The following CDON variants were observed in gnomAD, a reference collection of about 807,000 sequenced individuals.
CDON encodes the protein cell adhesion associated, oncogene regulated, also known as cell adhesion molecule-related/down-regulated by oncogenes.
CDON carries 73 observed loss-of-function variants against 120.9 expected under a neutral mutation model. The observed-to-expected ratio is 0.60, with a 90% CI of 0.50 to 0.73. CDON has a LOEUF of 0.73. Ranked by LOEUF, CDON falls within the 30% of genes least tolerant of loss-of-function variation. The probability of loss-of-function intolerance (pLI) is 0.00; values close to 1 mark genes in which losing one functional copy is unlikely to be tolerated. For missense variants in CDON, 1,470 were observed against 1,587.3 expected (o/e 0.93, Z 1.26); for synonymous variants, 566 against 573.5 (o/e 0.99, Z 0.19).
chr11:125,960,975 C>T lies in CDON; in HGVS notation c.3762G>A (p.Pro1254=), dbSNP rs868433925. 42 of 1,614,082 alleles carry T rather than the reference C, an allele frequency of 2.6e-5. No homozygotes were observed. The highest frequency in any genetic ancestry group is 3.3e-4 in the Middle Eastern group (2 of 6,082). The part of the protein sequence containing the change: ...WSPPGIPLDS[P]TEVLQQPRET Reference sequence around the variant, plus strand: ...CCCGGGGCTGCTGAAGGACCTCTGTCGGGCTGTCTAAAGGAATGCCAGGTG... The same window carrying T: ...CCCGGGGCTGCTGAAGGACCTCTGTTGGGCTGTCTAAAGGAATGCCAGGTG... The change falls in exon 20 of 20, where the codon CCG becomes CCA. Residue 1254 remains proline, a synonymous_variant. Coordinates refer to ENST00000531738, the MANE Select transcript of CDON (RefSeq NM_001378964.1).
chr11:125,969,240 C>T (rs112364366), intron 18 of CDON, among the ~76,000 whole-genome samples: 3,402 of 152,248 alleles, frequency 0.022, 116 homozygotes, highest in African/African-American at 0.075. Flanking sequence ...TCAGGTGATC[C>T]GCCTGCCTTA....
chr11:126,053,447 C>A (rs1948615479), intron 1 of CDON, among the ~76,000 whole-genome samples: 1 of 152,152 alleles, frequency 6.6e-6, no homozygotes, highest in African/African-American at 2.4e-5. Context: ...AATCTAATTG[C>A]ACAGTGAGAG....
At position 126,015,427 on chromosome 11, in the gene CDON, T is replaced by G; in HGVS notation, c.1012A>C (p.Asn338His). The change falls in exon 7 of 20, where the codon AAC becomes CAC. Residue 338 changes from asparagine to histidine, a missense_variant. Physicochemically the swap from Asn to His is moderately conservative, Grantham distance 68. Coordinates refer to ENST00000531738, the MANE Select transcript of CDON (RefSeq NM_001378964.1). Reference protein sequence around the residue: ...TVHFTCDVHGNPAPNCTWFHN... With the variant: ...TVHFTCDVHGHPAPNCTWFHN... ...AACCAGGTACAGTTGGGGGCTGGGT[T>G]CCCATGAACGTCGCAGGTAAAGTGT... 2.5e-6 allele frequency: 4 copies of G among 1,614,062 alleles called. No individual in the cohort carries two copies. Among genetic ancestry groups the G allele is most frequent in the Non-Finnish European group, 3.4e-6 (4 of 1,179,974 alleles).
In CDON at chr11:126,035,627, T is replaced by C. The variant is rs145162579; in HGVS notation, c.-61-12090A>G. Among the ~76,000 whole-genome samples, 168 of 152,264 alleles carry C rather than the reference T, an allele frequency of 1.1e-3. 2 individuals are homozygous for C. In the East Asian group the frequency reaches 0.027, roughly 25 times the overall value. Reference sequence around the variant, plus strand: ...AGTCAATCACAGATTACTATGCAGTTAGTACATAATTGGCACCAATTGACT... The same window carrying C: ...AGTCAATCACAGATTACTATGCAGTCAGTACATAATTGGCACCAATTGACT... On this transcript the variant is annotated intron_variant, in intron 1 of 19. Coordinates refer to ENST00000531738, the MANE Select transcript of CDON (RefSeq NM_001378964.1).
In CDON at chr11:126,034,230, C is replaced by T. The variant is rs989786632; in HGVS notation, c.-61-10693G>A. On this transcript the variant is annotated intron_variant, in intron 1 of 19. Transcript: ENST00000531738. This position sits in a 1 kb window ranked among gnomAD's most constrained non-coding sequence, Gnocchi z 4.5. Reference sequence around the variant, plus strand: ...AGCATACAAACGATCCTGCTGCCTGCGAAAGCATTTCCTTTCACCGTGGAC... The same window carrying T: ...AGCATACAAACGATCCTGCTGCCTGTGAAAGCATTTCCTTTCACCGTGGAC... Among the ~76,000 whole-genome samples, 5 of 152,076 alleles carry T rather than the reference C, an allele frequency of 3.3e-5. No homozygotes were observed. Among genetic ancestry groups the T allele is most frequent in the South Asian group, 2.1e-4 (1 of 4,816 alleles).
chr11:126,031,495 T>A (rs1375803149), intron 1 of CDON, among the ~76,000 whole-genome samples: 1 of 152,230 alleles, frequency 6.6e-6, no homozygotes, highest in Non-Finnish European at 1.5e-5. Flanking sequence ...TTTTAGACTT[T>A]ACACCACGTC....
At chr11:125,991,197 T>C (rs1946624176) in intron 14 of CDON, among the ~76,000 whole-genome samples, 1 of 152,232 alleles carries the variant, frequency 6.6e-6, no homozygotes, top group Non-Finnish European at 1.5e-5. Flanking sequence ...GTTAGATTAA[T>C]ATTCCATTGT....
intron 1 of CDON, among the ~76,000 whole-genome samples, chr11:126,040,344 C>T (rs1948221585): frequency 1.3e-5 from 2 of 152,142 alleles, no homozygotes; most frequent in Admixed American, 1.3e-4. Context: ...GTACAGACAC[C>T]ACCTGGGAAA....
intron 2 of CDON, among the ~76,000 whole-genome samples, chr11:126,021,807 G>C (rs551531296): frequency 9.1e-4 from 139 of 152,122 alleles, no homozygotes; most frequent in Admixed American, 2.5e-3. Context: ...CTATTAATAA[G>C]AAATAGCAAA....
At chr11:126,015,687 T>C (rs1358736946) in intron 6 of CDON, among the ~76,000 whole-genome samples, 177 bp from the exon 7 acceptor site, 2 of 152,228 alleles carry the variant, frequency 1.3e-5, no homozygotes, top group Admixed American at 1.3e-4. Flanking sequence ...GTTCCACTAA[T>C]AGGATAAACC....
At chr11:125,971,552 C>T (rs1945999843) in intron 18 of CDON, among the ~76,000 whole-genome samples, 1 of 152,172 alleles carries the variant, frequency 6.6e-6, no homozygotes, top group South Asian at 2.1e-4. Flanking sequence ...TTATACAAAA[C>T]TCTGAAGTCA....
rs757327325 is a variant in CDON at position 125,961,723 on chromosome 11, CCTCTGCTGAA to C, written c.3622_3631del (p.Phe1208GlufsTer14). On this transcript the variant is annotated frameshift_variant and splice_region_variant, in exon 19 of 20. Transcript: ENST00000531738. LOFTEE classifies it high-confidence loss of function. Reference sequence around the variant, plus strand: ...CCTAAGGTTGATCATGCCTTCCTGACCTCTGCTGAACTCTGCTGGATCTTCTGAGCCATCA... The same window carrying C: ...CCTAAGGTTGATCATGCCTTCCTGACCTCTGCTGGATCTTCTGAGCCATCA... The C allele has an allele frequency of 5.6e-6, 9 of 1,614,184 alleles. No individual in the cohort carries two copies. Among genetic ancestry groups the C allele is most frequent in the Non-Finnish European group, 7.6e-6 (9 of 1,180,024 alleles).
chr11:125,982,872 T>C (rs149769961), intron 16 of CDON, among the ~76,000 whole-genome samples: 179 of 152,244 alleles, frequency 1.2e-3, no homozygotes, highest in Middle Eastern at 6.8e-3. Context: ...ATACTTCTCT[T>C]TTCATGATTC....
At chr11:126,054,703 C>A (rs1331192290) in intron 1 of CDON, among the ~76,000 whole-genome samples, 1 of 152,152 alleles carries the variant, frequency 6.6e-6, no homozygotes, top group East Asian at 1.9e-4. Context: ...TCAGAATATG[C>A]AGTTGAACAC....
chr11:125,971,762 C>G (rs1385694389), intron 18 of CDON, among the ~76,000 whole-genome samples: 1 of 152,126 alleles, frequency 6.6e-6, no homozygotes, highest in Non-Finnish European at 1.5e-5. Flanking sequence ...CTGATGGGGT[C>G]TCTCGGTCCG....
At chr11:125,995,554 G>A (rs1266705256) in intron 12 of CDON, among the ~76,000 whole-genome samples, 1 of 152,230 alleles carries the variant, frequency 6.6e-6, no homozygotes, top group Admixed American at 6.5e-5. Context: ...ACTGCTAACA[G>A]TGTAAGAGTA....
In CDON at chr11:126,034,304, A is replaced by G. The variant is rs1948032660; in HGVS notation, c.-61-10767T>C. On this transcript the variant is annotated intron_variant, in intron 1 of 19. Coordinates refer to ENST00000531738, the MANE Select transcript of CDON (RefSeq NM_001378964.1). This position sits in a 1 kb window ranked among gnomAD's most constrained non-coding sequence, Gnocchi z 4.5. ...GGAAGTGACTTGGAGTTATGGCACC[A>G]AAAAGGCCAAATGAGCAAAGAAATA... Among the ~76,000 whole-genome samples the G allele has an allele frequency of 1.3e-5, 2 of 152,146 alleles. No homozygotes were observed.
At chr11:126,050,673 T>C (rs1948535742) in intron 1 of CDON, among the ~76,000 whole-genome samples, 1 of 152,150 alleles carries the variant, frequency 6.6e-6, no homozygotes, top group Non-Finnish European at 1.5e-5. Flanking sequence ...AGATTTGTAA[T>C]TGCCGAAATA....
At chr11:126,047,817 G>A (rs1397492792) in intron 1 of CDON, among the ~76,000 whole-genome samples, 3 of 152,054 alleles carry the variant, frequency 2.0e-5, no homozygotes, top group South Asian at 2.1e-4. Context: ...AAAATGCCTA[G>A]GTTAAAGCTC....
Sources: allele counts gnomAD v4.1 joint callset (sites outside exome capture counted in the v4.1 genomes callset), GRCh38; gene constraint gnomAD v4.1.1; non-coding constraint Gnocchi (gnomAD v3.1); transcripts MANE v1.5; gene names NCBI Gene and HGNC (gene_info 2026-07-23, HGNC 2026-07-21).